The following ADAMTS5 variants were observed in gnomAD, a reference collection of about 807,000 sequenced individuals.
ADAMTS5 encodes the protein A disintegrin and metalloproteinase with thrombospondin motifs 5.
ADAMTS5 carries 54 observed loss-of-function variants against 81.4 expected under a neutral mutation model. The observed-to-expected ratio is 0.66, with a 90% CI of 0.53 to 0.83. The LOEUF (loss-of-function observed/expected upper bound fraction) is 0.83. Among genes scored for constraint, ADAMTS5 ranks in the 40% least tolerant of loss-of-function variants. ADAMTS5 has a pLI of 0.00. For synonymous variants in ADAMTS5, 532 were observed against 508.8 expected, an observed-to-expected ratio of 1.05 and a Z score of -0.61; for missense variants, 1,194 against 1,229.9, an observed-to-expected ratio of 0.97 and a Z score of 0.44.
Position 26,965,642 on chromosome 21 carries a change from T to G in ADAMTS5, c.750A>C (p.Ser250=), listed in dbSNP as rs553073483. The G allele has an allele frequency of 6.8e-4, 1,083 of 1,596,586 alleles. 18 individuals are homozygous for G. In the South Asian group the frequency reaches 0.011, roughly 16 times the overall value. Residue 250 remains serine (S), a synonymous_variant, in exon 1 of 8, where the codon TCA becomes TCC. Coordinates refer to ENST00000284987, the MANE Select transcript of ADAMTS5 (RefSeq NM_007038.5). ...GCCGCCGCCACCACGTCTGCGGTCC[T>G]GAGCCCCCAGCGGGCGAGAGAGCGG... ...DQSALSPAGG[S]GPQTWWRRRR...
At chr21:26,946,430 C>T (rs568226226) in intron 2 of ADAMTS5, among the ~76,000 whole-genome samples, 2 of 152,100 alleles carry the variant, frequency 1.3e-5, no homozygotes, top group Admixed American at 6.6e-5. Flanking sequence ...ATCCAGAATC[C>T]GGGGAATTTA....
intron 5 of ADAMTS5, 63 bp downstream of exon 5, chr21:26,932,798 T>C: frequency 1.3e-6 from 2 of 1,514,552 alleles, no homozygotes; most frequent in South Asian, 2.6e-5. Context: ...CCCTTATTCA[T>C]TATTGCTAGA....
At chr21:26,936,787 A>G (rs1183237584) in intron 3 of ADAMTS5, among the ~76,000 whole-genome samples, 2 of 152,222 alleles carry the variant, frequency 1.3e-5, no homozygotes, top group African/African-American at 4.8e-5. Flanking sequence ...ATGATAGTAA[A>G]AGCTCACTAA....
At chr21:26,957,014 A>G (rs1473837891) in intron 1 of ADAMTS5, among the ~76,000 whole-genome samples, 3 of 152,154 alleles carry the variant, frequency 2.0e-5, no homozygotes, top group Admixed American at 2.0e-4. Context: ...GCCACACTAT[A>G]TATTTCTGTA....
Position 26,934,375 on chromosome 21 carries a change from A to G in ADAMTS5, c.1689+91T>C, listed in dbSNP as rs190417075. 2.4e-3 allele frequency: 3,525 copies of G among 1,480,358 alleles called. 86 individuals are homozygous for G. The highest frequency in any genetic ancestry group is 3.5e-4 in the Non-Finnish European group (386 of 1,100,704). The allele number at this position is 1,480,358 out of a possible 1,614,324, so 91.7% of individuals were successfully genotyped here. On this transcript the variant is annotated intron_variant, in intron 4 of 7. Coordinates refer to ENST00000284987, the MANE Select transcript of ADAMTS5 (RefSeq NM_007038.5). ...ATGAAAAGTTTTTAAATTAGAAAAT[A>G]AAGCCTTCTGAGAACAGTGCCCATA...
At chr21:26,925,529 T>G (rs949568568) in intron 7 of ADAMTS5, among the ~76,000 whole-genome samples, 6 of 152,190 alleles carry the variant, frequency 3.9e-5, no homozygotes. Flanking sequence ...CTGTGAGGAA[T>G]GCTAGGATGG....
chr21:26,965,474 G>A lies in ADAMTS5; in HGVS notation c.918C>T (p.Ser306=), dbSNP rs1364313517. The change falls in exon 1 of 8, where the codon AGC becomes AGT. Residue 306 remains serine (S), a synonymous_variant. Coordinates refer to ENST00000284987, the MANE Select transcript of ADAMTS5 (RefSeq NM_007038.5). ...SIANRLYSHA[S]IENHIRLAVV... ...CGGCCAGGCGGATGTGGTTCTCGAT[G>A]CTAGCATGGCTGTACAGCCTATTGG... 6.2e-7 allele frequency: 1 copy of A among 1,614,256 alleles called. No individual in the cohort carries two copies. Among genetic ancestry groups the A allele is most frequent in the South Asian group, 1.1e-5 (1 of 91,090 alleles).
chr21:26,938,178 A>C (rs1987049290), intron 3 of ADAMTS5, among the ~76,000 whole-genome samples: 1 of 151,844 alleles, frequency 6.6e-6, no homozygotes, highest in Admixed American at 6.6e-5. Context: ...TGGGAGGTGG[A>C]GTTTGCAGTG....
At chr21:26,937,810 T>A (rs1987041437) in intron 3 of ADAMTS5, among the ~76,000 whole-genome samples, 1 of 152,240 alleles carries the variant, frequency 6.6e-6, no homozygotes. Context: ...TCTCAACCAC[T>A]TCTTCACATC....
intron 7 of ADAMTS5, 102 bp downstream of exon 7, chr21:26,929,784 A>T: frequency 8.2e-7 from 1 of 1,226,522 alleles, no homozygotes; most frequent in South Asian, 1.6e-5. Context: ...AGACCTCCTC[A>T]TACAGATAGC....
At chr21:26,936,883 T>G (rs1471945239) in intron 3 of ADAMTS5, among the ~76,000 whole-genome samples, 1 of 152,226 alleles carries the variant, frequency 6.6e-6, no homozygotes, top group Admixed American at 6.5e-5. Context: ...AAAGAAGTAC[T>G]GTGTAAACTA....
chr21:26,945,835 C>T (rs377500711), intron 2 of ADAMTS5, among the ~76,000 whole-genome samples: 1 of 152,170 alleles, frequency 6.6e-6, no homozygotes, highest in African/African-American at 2.4e-5. Context: ...AATTGCACTG[C>T]GAAAGACTGC....
intron 2 of ADAMTS5, among the ~76,000 whole-genome samples, chr21:26,946,167 A>C (rs1007541286): frequency 2.1e-4 from 32 of 152,168 alleles, no homozygotes; most frequent in Non-Finnish European, 3.4e-4. Context: ...TGGACAGGAT[A>C]TGAAAGGGAA....
intron 1 of ADAMTS5, among the ~76,000 whole-genome samples, chr21:26,957,983 G>T (rs536648943): frequency 1.3e-5 from 2 of 152,286 alleles, no homozygotes; most frequent in African/African-American, 4.8e-5. Context: ...ATGGGATGGG[G>T]GACAGGGAGC....
Position 26,924,034 on chromosome 21 carries a change from A to C in ADAMTS5, c.*19T>G. 1.9e-6 allele frequency: 3 copies of C among 1,570,078 alleles called. No individual in the cohort carries two copies. Among genetic ancestry groups the C allele is most frequent in the Non-Finnish European group, 1.7e-6 (2 of 1,152,678 alleles). On this transcript the variant is annotated 3_prime_UTR_variant, in exon 8 of 8. Coordinates refer to ENST00000284987, the MANE Select transcript of ADAMTS5 (RefSeq NM_007038.5). ...CTGAATCCTCCAGTTATCTTTGTGC[A>C]TAAGATCATAACCACAGGCTAACAT...
intron 6 of ADAMTS5, 137 bp downstream of exon 6, chr21:26,931,866 GA>G: frequency 1.4e-6 from 1 of 689,682 alleles, no homozygotes; most frequent in Non-Finnish European, 2.2e-6. Context: ...AGAAGTTATA[GA>G]GATGAAAATA....
chr21:26,941,826 T>C (rs1180367090), intron 3 of ADAMTS5, among the ~76,000 whole-genome samples: 1 of 152,104 alleles, frequency 6.6e-6, no homozygotes, highest in African/African-American at 2.4e-5. Flanking sequence ...AGAAGGACTT[T>C]ATGAGATACT....
intron 1 of ADAMTS5, among the ~76,000 whole-genome samples, chr21:26,957,528 CA>C (rs1987451678): frequency 1.3e-5 from 2 of 152,100 alleles, no homozygotes; most frequent in Admixed American, 1.3e-4. Flanking sequence ...GAATCACATA[CA>C]ATACCATGTA....
Position 26,966,153 on chromosome 21 carries a change from A to G in ADAMTS5, c.239T>C (p.Leu80Pro). 1 of 1,611,060 alleles carries G rather than the reference A, an allele frequency of 6.2e-7. No homozygotes were observed. Among genetic ancestry groups the G allele is most frequent in the Non-Finnish European group, 8.5e-7 (1 of 1,179,038 alleles). The change falls in exon 1 of 8, where the codon CTC becomes CCC. Residue 80 changes from leucine (L) to proline (P), a missense_variant. By Grantham distance (98) the Leu-to-Pro change is moderately conservative (BLOSUM62 -3). Coordinates refer to ENST00000284987, the MANE Select transcript of ADAMTS5 (RefSeq NM_007038.5). ...GCCCACCTTGCCGCCGCCGGAGTAG[A>G]GTTGGTCGATGTTCTGCACCAGCCC... is the stretch of plus-strand genomic sequence containing the variant. ...SKGLVQNIDQLYSGGGKVGYL... is the reference protein window; with the variant it reads ...SKGLVQNIDQPYSGGGKVGYL...
Sources: gnomAD v4.1 joint callset for allele counts (sites outside exome capture counted in the v4.1 genomes callset) on GRCh38, gnomAD v4.1.1 for gene constraint, MANE v1.5 for transcripts, NCBI Gene and HGNC (gene_info 2026-07-23, HGNC 2026-07-21) for gene names.